EDN3: variants seen among roughly 807,000 people sequenced by gnomAD.
The protein encoded by EDN3 is endothelin-3.
In EDN3, 9 loss-of-function variants were observed where a neutral mutation model predicts 21.4. That is an observed-to-expected ratio of 0.42 (90% CI 0.25 to 0.73). The LOEUF is 0.73. EDN3 is among the 30% of genes least tolerant of loss of function. The pLI is 0.26. For missense variants in EDN3, 327 were observed against 309.4 expected, an observed-to-expected ratio of 1.06 and a Z score of -0.43; for synonymous variants, 133 against 126.2, an observed-to-expected ratio of 1.05 and a Z score of -0.36.
Position 59,322,214 on chromosome 20 carries a change from C to A in EDN3, c.543-158C>A, listed in dbSNP as rs914696609. 2.8e-5 allele frequency: 6 copies of A among 217,518 alleles called. No individual in the cohort carries two copies. Among genetic ancestry groups the A allele is most frequent in the Non-Finnish European group, 3.9e-5 (5 of 128,082 alleles). 13.5% of individuals were successfully genotyped at this position (217,518 alleles called of 1,614,324 possible). On this transcript the variant is annotated intron_variant, in intron 3 of 4. Coordinates refer to ENST00000337938, the MANE Select transcript of EDN3 (RefSeq NM_207034.3). The surrounding 1 kb of genome is among the most constrained non-coding windows in gnomAD (Gnocchi z 4.1). ...CTGTACTTTGGTAGAAATCCACCCA[C>A]CGAGTGCTCAGCCTTCAGAAACTGT...
At chr20:59,306,609 A>AT (rs1319720487) in intron 2 of EDN3, among the ~76,000 whole-genome samples, 1 of 151,770 alleles carries the variant, frequency 6.6e-6, no homozygotes, top group African/African-American at 2.4e-5. Context: ...AAAAAAAAAA[A>AT]AAAAAAAAAA....
intron 3 of EDN3, 143 bp downstream of exon 3, chr20:59,321,336 G>A (rs1484629745): frequency 7.9e-6 from 8 of 1,016,126 alleles, no homozygotes; most frequent in Middle Eastern, 2.9e-4. Flanking sequence ...GAGAAAGGAG[G>A]TGCTGAGCCC....
intron 3 of EDN3, among the ~76,000 whole-genome samples, chr20:59,321,603 T>C (rs1990551480): frequency 6.7e-6 from 1 of 150,008 alleles, no homozygotes; most frequent in Non-Finnish European, 1.5e-5. Context: ...AAAAGGCTTA[T>C]TGGGAGGGGG....
At position 59,325,878 on chromosome 20, in the gene EDN3, G is replaced by T. The variant is rs1025689812; in HGVS notation, c.*1419G>T. 3.3e-5 allele frequency: 5 copies of T among 152,212 alleles called. No individual in the cohort carries two copies. The highest frequency in any genetic ancestry group is 9.7e-5 in the African/African-American group (4 of 41,448). 9.4% of individuals were successfully genotyped at this position (152,212 alleles called of 1,614,324 possible). A position where few individuals can be genotyped will look rare whatever the true frequency, so the allele number is the denominator to read the frequency against. On this transcript the variant is annotated 3_prime_UTR_variant, in exon 5 of 5. Transcript: ENST00000337938. ...AGAGCTTGAATTACATTTTTAAAAT[G>T]CATATGTGCTGTTTGGCACCGTGGC... is the stretch of plus-strand genomic sequence containing the variant.
At chr20:59,306,610 A>AAAAAAAAAAAAAAAAAAAAAAAAAAT (rs1231441853) in intron 2 of EDN3, among the ~76,000 whole-genome samples, 1 of 151,792 alleles carries the variant, frequency 6.6e-6, no homozygotes, top group Non-Finnish European at 1.5e-5. Flanking sequence ...AAAAAAAAAA[A>AAAAAAAAAAAAAAAAAAAAAAAAAAT]AAAAAAAAAG....
Position 59,325,175 on chromosome 20 carries a change from C to T in EDN3, c.*716C>T, listed in dbSNP as rs531531144. On this transcript the variant is annotated 3_prime_UTR_variant, in exon 5 of 5. Coordinates refer to ENST00000337938, the MANE Select transcript of EDN3 (RefSeq NM_207034.3). ...TCTGTATTCTGTATAGACACCAGGC[C>T]GATACACAGTGGAGTTCCCAGGCCT... 3 of 152,566 alleles carry T rather than the reference C, an allele frequency of 2.0e-5. No homozygotes were observed. Among genetic ancestry groups the T allele is most frequent in the South Asian group, 2.1e-4 (1 of 4,824 alleles). The allele number at this position is 152,566 out of a possible 1,614,324, so 9.5% of individuals were successfully genotyped here.
chr20:59,300,833 C>A lies in EDN3; in HGVS notation c.21C>A (p.Leu7=), dbSNP rs1988949178. The A allele has an allele frequency of 6.2e-7, 1 of 1,611,432 alleles. No individual in the cohort carries two copies. The part of the protein sequence containing the change: MEPGLW[L]LFGLTVTSAA... ...GGTTCATGGAGCCGGGGCTGTGGCT[C>A]CTTTTCGGGCTCACAGTGACCTCCG... Residue 7 remains leucine, a synonymous_variant, in exon 1 of 5, where the codon CTC becomes CTA. Coordinates refer to ENST00000337938, the MANE Select transcript of EDN3 (RefSeq NM_207034.3).
Position 59,323,822 on chromosome 20 carries a change from T to C in EDN3, c.589-509T>C, listed in dbSNP as rs1990688913. Reference sequence around the variant, plus strand: ...AAGCACACCGGTCCTTTTGCTGTTGTGGTGATTATTACTGTTCTATGTCAC... The same window carrying C: ...AAGCACACCGGTCCTTTTGCTGTTGCGGTGATTATTACTGTTCTATGTCAC... On this transcript the variant is annotated intron_variant, in intron 4 of 4. Coordinates refer to ENST00000337938, the MANE Select transcript of EDN3 (RefSeq NM_207034.3). The C allele has an allele frequency of 6.8e-6, 3 of 441,866 alleles. No individual in the cohort carries two copies. The South Asian group carries it at 2.5e-4, about 36-fold the overall frequency. 27.4% of individuals were successfully genotyped at this position (441,866 alleles called of 1,614,324 possible).
At chr20:59,304,273 T>G (rs76919873) in intron 2 of EDN3, among the ~76,000 whole-genome samples, 104 of 152,278 alleles carry the variant, frequency 6.8e-4, no homozygotes, top group African/African-American at 2.3e-3. Flanking sequence ...ATCACTGAAT[T>G]GAGCAAAAGA....
intron 2 of EDN3, among the ~76,000 whole-genome samples, chr20:59,309,180 G>T (rs1164087729): frequency 6.6e-6 from 1 of 152,168 alleles, no homozygotes; most frequent in African/African-American, 2.4e-5. Context: ...ACCCGTCTGG[G>T]GCTGTGTCTG....
rs1391390444 is a variant in EDN3 at position 59,305,197 on chromosome 20, T to C, written c.365+3475T>C. On this transcript the variant is annotated intron_variant, in intron 2 of 4. Transcript: ENST00000337938. The surrounding 1 kb of genome is among the most constrained non-coding windows in gnomAD (Gnocchi z 4.2). Reference sequence around the variant, plus strand: ...ACAGTTCATCAATGGGATAGCATGATTTCCATTAGCCTTTCCTTGGCTGTC... The same window carrying C: ...ACAGTTCATCAATGGGATAGCATGACTTCCATTAGCCTTTCCTTGGCTGTC... 6.6e-6 allele frequency among the ~76,000 whole-genome samples: 1 copy of C among 152,218 alleles called. No homozygotes were observed. The highest frequency in any genetic ancestry group is 1.5e-5 in the Non-Finnish European group (1 of 68,032).
chr20:59,312,964 G>A (rs747055313), intron 2 of EDN3, among the ~76,000 whole-genome samples: 4 of 152,164 alleles, frequency 2.6e-5, no homozygotes, highest in African/African-American at 4.8e-5. Flanking sequence ...ACCCATCTAC[G>A]CAGCCTAGTT....
chr20:59,311,927 T>C (rs954862302), intron 2 of EDN3, among the ~76,000 whole-genome samples: 1 of 152,220 alleles, frequency 6.6e-6, no homozygotes, highest in Non-Finnish European at 1.5e-5. Flanking sequence ...GCATAAGTCT[T>C]GCTCATGAAG....
chr20:59,310,749 A>G (rs1291909443), intron 2 of EDN3, among the ~76,000 whole-genome samples: 1 of 152,184 alleles, frequency 6.6e-6, no homozygotes, highest in African/African-American at 2.4e-5. Flanking sequence ...ATATGCATTG[A>G]TGACAAAAGT....
chr20:59,321,071 G>A lies in EDN3; in HGVS notation c.420G>A (p.Arg140=). 6.2e-7 allele frequency: 1 copy of A among 1,614,236 alleles called. No individual in the cohort carries two copies. Among genetic ancestry groups the A allele is most frequent in the East Asian group, 2.2e-5 (1 of 44,886 alleles). ...SNYRGSFRGK[R]SAGPLPGNLQ... is the part of the protein sequence containing the mutation. ...ACAGAGGAAGCTTCCGGGGCAAGAG[G>A]TCTGCGGGGCCACTTCCAGGGAATC... Residue 140 remains arginine (R), a synonymous_variant, in exon 3 of 5, where the codon AGG becomes AGA. Coordinates refer to ENST00000337938, the MANE Select transcript of EDN3 (RefSeq NM_207034.3).
intron 1 of EDN3, 77 bp downstream of exon 1, chr20:59,300,941 GAGA>G (rs1988964881): frequency 2.6e-6 from 4 of 1,529,458 alleles, no homozygotes; most frequent in Non-Finnish European, 3.6e-6. Flanking sequence ...CCGAGGCGCG[GAGA>G]AGATGTGCGT....
chr20:59,300,730 C>T lies in EDN3; in HGVS notation c.-83C>T. On this transcript the variant is annotated 5_prime_UTR_variant, in exon 1 of 5. The change creates a premature stop within an existing upstream ORF in the 5' untranslated region. Transcript: ENST00000337938. ...AACCCCCACAGCTGGAGGGCGAGGC[C>T]AGCTGTACCCGGCCCCAGTGCCCTT... 1 of 1,471,518 alleles carries T rather than the reference C, an allele frequency of 6.8e-7. No individual in the cohort carries two copies. The highest frequency in any genetic ancestry group is 9.3e-7 in the Non-Finnish European group (1 of 1,078,840). 91.2% of individuals were successfully genotyped at this position (1,471,518 alleles called of 1,614,324 possible). A position where few individuals can be genotyped will look rare whatever the true frequency, so the allele number is the denominator to read the frequency against.
chr20:59,322,610 A>G lies in EDN3; in HGVS notation c.588+193A>G, dbSNP rs1450672708. On this transcript the variant is annotated intron_variant, in intron 4 of 4. Transcript: ENST00000337938. The surrounding 1 kb of genome is among the most constrained non-coding windows in gnomAD (Gnocchi z 4.1). The stretch of plus-strand genomic sequence containing the variant: ...CCGTTTCTGGGGGCAGAGCGGGCTG[A>G]AGCTGTGGACAGCTGCTGTCACTTG... 1.3e-5 allele frequency among the ~76,000 whole-genome samples: 2 copies of G among 152,190 alleles called. No homozygotes were observed. The highest frequency in any genetic ancestry group is 2.9e-5 in the Non-Finnish European group (2 of 68,028).
intron 2 of EDN3, among the ~76,000 whole-genome samples, chr20:59,302,165 A>G (rs1989094056): frequency 6.6e-6 from 1 of 152,168 alleles, no homozygotes; most frequent in African/African-American, 2.4e-5. Context: ...CCTGGTCTCC[A>G]GGGAGTCTAA....
Sources: gnomAD v4.1 joint callset for allele counts (sites outside exome capture counted in the v4.1 genomes callset) on GRCh38, gnomAD v4.1.1 for gene constraint, Gnocchi (gnomAD v3.1) non-coding constraint, MANE v1.5 for transcripts, NCBI Gene and HGNC (gene_info 2026-07-23, HGNC 2026-07-21) for gene names.